Variants in KCNIP4 observed in about 807,000 individuals in gnomAD.
KCNIP4 encodes the protein potassium voltage-gated channel interacting protein 4.
A neutral mutation model predicts 34.0 loss-of-function variants in KCNIP4; 12 were observed. The ratio of observed to expected loss-of-function variants is 0.35; its 90% CI spans 0.23 to 0.57. The LOEUF (loss-of-function observed/expected upper bound fraction) is 0.57. KCNIP4 is among the 20% of genes least tolerant of loss of function. KCNIP4 has a pLI of 0.83. For synonymous variants in KCNIP4, 124 were observed against 102.2 expected (o/e 1.21, Z -1.29); for missense variants, 238 against 311.7 (o/e 0.76, Z 1.78).
rs1746114956 is a variant in KCNIP4 at position 21,082,865 on chromosome 4, T to TTCCA, written c.62-200157_62-200156insTGGA. ...ATGTGCAACATTCTGTGCCAGGTTA[T>TTCCA]TCTATCTATCTATCTATCTATCTAT... On this transcript the variant is annotated intron_variant, in intron 1 of 8. Transcript: ENST00000382152. Among the ~76,000 whole-genome samples, 4 of 147,570 alleles carry TTCCA rather than the reference T, an allele frequency of 2.7e-5. No individual in the cohort carries two copies. In the South Asian group the frequency reaches 8.7e-4, roughly 32 times the overall value.
At chr4:21,196,529 C>G (rs887340324) in intron 1 of KCNIP4, among the ~76,000 whole-genome samples, 1 of 152,132 alleles carries the variant, frequency 6.6e-6, no homozygotes, top group Non-Finnish European at 1.5e-5. Context: ...AGGATATCTT[C>G]AAATTTATCT....
chr4:20,923,550 C>T (rs968018568), intron 1 of KCNIP4, among the ~76,000 whole-genome samples: 1 of 152,096 alleles, frequency 6.6e-6, no homozygotes, highest in African/African-American at 2.4e-5. Flanking sequence ...TCTAAGATAG[C>T]TTTAGTGTGG....
chr4:21,472,445 G>A (rs1730553167), intron 1 of KCNIP4, among the ~76,000 whole-genome samples: 2 of 152,034 alleles, frequency 1.3e-5, no homozygotes, highest in African/African-American at 2.4e-5. Context: ...ATGTGTGTGT[G>A]GGGGGGTTAA....
chr4:20,787,909 G>A (rs1357279791), intron 3 of KCNIP4, among the ~76,000 whole-genome samples: 1 of 151,960 alleles, frequency 6.6e-6, no homozygotes, highest in Non-Finnish European at 1.5e-5. Flanking sequence ...ACTTATGAAG[G>A]TTTTTAATAT....
At chr4:21,440,964 T>A (rs1442218875) in intron 1 of KCNIP4, among the ~76,000 whole-genome samples, 1 of 152,148 alleles carries the variant, frequency 6.6e-6, no homozygotes, top group East Asian at 1.9e-4. Flanking sequence ...CTGTTTTATG[T>A]TATGAAATAT....
intron 1 of KCNIP4, among the ~76,000 whole-genome samples, chr4:20,964,303 A>C (rs1039619510): frequency 6.6e-6 from 1 of 152,206 alleles, no homozygotes; most frequent in Non-Finnish European, 1.5e-5. Flanking sequence ...CGATGCAGTC[A>C]ACACCTGACC....
chr4:21,242,033 G>A (rs567551889), intron 1 of KCNIP4, among the ~76,000 whole-genome samples: 1 of 151,920 alleles, frequency 6.6e-6, no homozygotes, highest in Admixed American at 6.6e-5. Flanking sequence ...GCGTGGTGGT[G>A]GGTGCCTGCA....
intron 1 of KCNIP4, among the ~76,000 whole-genome samples, chr4:21,736,587 C>T (rs1359912052): frequency 2.0e-5 from 3 of 152,184 alleles, no homozygotes; most frequent in African/African-American, 7.2e-5. Flanking sequence ...TCCCATTCCT[C>T]GTTTTGACAA....
At chr4:21,224,336 G>T (rs575664494) in intron 1 of KCNIP4, among the ~76,000 whole-genome samples, 1 of 152,072 alleles carries the variant, frequency 6.6e-6, no homozygotes, top group South Asian at 2.1e-4. Context: ...GGAAGAGAGA[G>T]CAATCCTGTG....
At chr4:21,812,797 G>A (rs1721739795) in intron 1 of KCNIP4, among the ~76,000 whole-genome samples, 1 of 152,142 alleles carries the variant, frequency 6.6e-6, no homozygotes, top group South Asian at 2.1e-4. Context: ...CTACTTTTCA[G>A]TAAGGCTATT....
intron 1 of KCNIP4, among the ~76,000 whole-genome samples, chr4:21,291,692 CAA>C (rs879826777): frequency 1.4e-5 from 2 of 139,984 alleles, no homozygotes; most frequent in African/African-American, 2.6e-5. Flanking sequence ...TATTAAAATA[CAA>C]AAAAAAAAAA....
intron 3 of KCNIP4, among the ~76,000 whole-genome samples, chr4:20,846,250 T>C (rs1184485628): frequency 2.6e-5 from 4 of 152,164 alleles, no homozygotes; most frequent in Non-Finnish European, 4.4e-5. Flanking sequence ...GTCTGAAGCA[T>C]AGAGGTCTAA....
rs78021771 is a variant in KCNIP4, at chr4:21,394,855, C to T, written c.62-512146G>A. Reference sequence around the variant, plus strand: ...GAAAAAGTCTTGATTGACACTTCTCCTTTAATGATGTTGAATAAATTAGCT... The same window carrying T: ...GAAAAAGTCTTGATTGACACTTCTCTTTTAATGATGTTGAATAAATTAGCT... On this transcript the variant is annotated intron_variant, in intron 1 of 8. Coordinates refer to ENST00000382152, the MANE Select transcript of KCNIP4 (RefSeq NM_025221.6). 8.5e-3 allele frequency among the ~76,000 whole-genome samples: 1,290 copies of T among 152,256 alleles called. 19 individuals are homozygous for T. The highest frequency in any genetic ancestry group is 0.03 in the African/African-American group (1,241 of 41,550).
At chr4:21,811,544 G>C (rs1721652826) in intron 1 of KCNIP4, among the ~76,000 whole-genome samples, 1 of 152,182 alleles carries the variant, frequency 6.6e-6, no homozygotes, top group Non-Finnish European at 1.5e-5. Flanking sequence ...GAAGTGGGTA[G>C]GATTCGCTGA....
chr4:21,073,711 C>T (rs1213269515), intron 1 of KCNIP4, among the ~76,000 whole-genome samples: 14 of 152,128 alleles, frequency 9.2e-5, no homozygotes, highest in Admixed American at 2.6e-4. Context: ...CCCTGTCTTG[C>T]GCCAGTTTTT....
Position 21,677,572 on chromosome 4 carries a change from C to A in KCNIP4, c.61+270999G>T, listed in dbSNP as rs1045867135. ...GCATTGCTGCAATGGTGGAGCCTCT[C>A]CACTCAAAGGCCTGTAGGGCATCCT... On this transcript the variant is annotated intron_variant, in intron 1 of 8. Coordinates refer to ENST00000382152, the MANE Select transcript of KCNIP4 (RefSeq NM_025221.6). 2.6e-5 allele frequency among the ~76,000 whole-genome samples: 4 copies of A among 152,180 alleles called. No individual in the cohort carries two copies. In the East Asian group the frequency reaches 7.7e-4, roughly 29 times the overall value.
chr4:21,911,406 T>C (rs1035966654), intron 1 of KCNIP4, among the ~76,000 whole-genome samples: 4 of 152,014 alleles, frequency 2.6e-5, no homozygotes, highest in Non-Finnish European at 5.9e-5. Flanking sequence ...TGTCTAGTAC[T>C]TCCTAACATC....
rs183000688 is a variant in KCNIP4, at chr4:21,124,777, C to T, written c.62-242068G>A. 1.1e-4 allele frequency among the ~76,000 whole-genome samples: 16 copies of T among 152,156 alleles called. No homozygotes were observed. In the East Asian group the frequency reaches 1.9e-3, roughly 18 times the overall value. ...GCTGACATAGTATTGACAACAGATA[C>T]CTGACCCCAGAATGGACAGGTAAGG... is the stretch of plus-strand genomic sequence containing the variant. On this transcript the variant is annotated intron_variant, in intron 1 of 8. Transcript: ENST00000382152.
chr4:20,741,264 A>T (rs1010540173), intron 5 of KCNIP4, among the ~76,000 whole-genome samples: 2 of 152,222 alleles, frequency 1.3e-5, no homozygotes, highest in Non-Finnish European at 2.9e-5. Flanking sequence ...TCAACAGAAT[A>T]TAGATTCTTC....
Sources: gnomAD v4.1 joint callset for allele counts (sites outside exome capture counted in the v4.1 genomes callset) on GRCh38, gnomAD v4.1.1 for gene constraint, MANE v1.5 for transcripts, NCBI Gene and HGNC (gene_info 2026-07-23, HGNC 2026-07-21) for gene names.